The following SYNE3 variants were observed in gnomAD, a reference collection of about 807,000 sequenced individuals.
The protein encoded by SYNE3 is spectrin repeat containing nuclear envelope family member 3, also known as nesprin-3.
SYNE3 carries 100 observed loss-of-function variants against 111.2 expected under a neutral mutation model. That is an observed-to-expected ratio of 0.90 (90% CI 0.77 to 1.06). The LOEUF (loss-of-function observed/expected upper bound fraction) is 1.06. SYNE3 is among the 50% of genes least tolerant of loss of function. The probability of loss-of-function intolerance (pLI) is 0.00; values close to 1 mark genes in which losing one functional copy is unlikely to be tolerated. For synonymous variants in SYNE3, 547 were observed against 533.9 expected (o/e 1.02, Z -0.34); for missense variants, 1,160 against 1,240.3 (o/e 0.94, Z 0.97).
chr14:95,500,880 C>T lies in SYNE3; in HGVS notation c.-15+15716G>A, dbSNP rs78721469. 0.13 allele frequency among the ~76,000 whole-genome samples: 19,997 copies of T among 152,156 alleles called. 1,557 individuals are homozygous for T. Among genetic ancestry groups the T allele is most frequent in the Non-Finnish European group, 0.17 (11,833 of 67,952 alleles). On this transcript the variant is annotated intron_variant, in intron 1 of 17. Coordinates refer to ENST00000682763, the MANE Select transcript of SYNE3 (RefSeq NM_152592.6). The surrounding 1 kb of genome is among the most constrained non-coding windows in gnomAD (Gnocchi z 4.7). ...TGTACTCCCAGTGGGGGATCGGGGG[C>T]GGTGAAGCGGGAGGGACACACGCTT...
At chr14:95,498,020 C>A (rs1334050945) in intron 1 of SYNE3, among the ~76,000 whole-genome samples, 3 of 143,990 alleles carry the variant, frequency 2.1e-5, no homozygotes. Context: ...AGGACAAGAT[C>A]CCAACTCTTA....
At chr14:95,419,417 C>T (rs1884944830) in intron 17 of SYNE3, among the ~76,000 whole-genome samples, 2 of 152,100 alleles carry the variant, frequency 1.3e-5, no homozygotes, top group African/African-American at 4.8e-5. Flanking sequence ...ATAAATGTAC[C>T]AGTTCTTACT....
chr14:95,488,417 G>C (rs932444042), intron 1 of SYNE3, among the ~76,000 whole-genome samples: 11 of 152,302 alleles, frequency 7.2e-5, no homozygotes, highest in African/African-American at 2.6e-4. Context: ...TGCACCCACG[G>C]ATGGATAGTT....
intron 1 of SYNE3, among the ~76,000 whole-genome samples, chr14:95,513,382 G>T (rs1595267575): frequency 1.3e-5 from 2 of 152,178 alleles, no homozygotes; most frequent in Non-Finnish European, 2.9e-5. Context: ...AGAAACCCAG[G>T]CGAGAGATCC....
At position 95,416,192 on chromosome 14, in the gene SYNE3, G is replaced by T; in HGVS notation, c.*1634C>A. 6.6e-6 allele frequency: 1 copy of T among 152,216 alleles called. No individual in the cohort carries two copies. The allele number at this position is 152,216 out of a possible 1,614,324, so 9.4% of individuals were successfully genotyped here. ...TTCCTGCCGGTGAAATGTCCTAGTT[G>T]CCTAGGACCCGGGTCCCCAAGGGCA... On this transcript the variant is annotated 3_prime_UTR_variant, in exon 18 of 18. Transcript: ENST00000682763.
rs189178232 is a variant in SYNE3, at chr14:95,513,192, G to A, written c.-15+3404C>T. On this transcript the variant is annotated intron_variant, in intron 1 of 17. Coordinates refer to ENST00000682763, the MANE Select transcript of SYNE3 (RefSeq NM_152592.6). ...CCTCTCTCACCTTTCCTCAGCACGCGTGGTAATGCTTGGCTTTTATTTAAG... is the reference window on the plus strand; with the variant it reads ...CCTCTCTCACCTTTCCTCAGCACGCATGGTAATGCTTGGCTTTTATTTAAG... 3.3e-5 allele frequency among the ~76,000 whole-genome samples: 5 copies of A among 152,216 alleles called. No individual in the cohort carries two copies. In the East Asian group the frequency reaches 7.7e-4, roughly 23 times the overall value.
intron 1 of SYNE3, among the ~76,000 whole-genome samples, chr14:95,476,068 G>T (rs1166028819): frequency 6.6e-6 from 1 of 152,254 alleles, no homozygotes; most frequent in African/African-American, 2.4e-5. Flanking sequence ...TGGCAAAACT[G>T]CTTTGTCTTT....
chr14:95,512,045 A>T (rs749610179), intron 1 of SYNE3, among the ~76,000 whole-genome samples: 22 of 152,178 alleles, frequency 1.4e-4, no homozygotes, highest in Non-Finnish European at 3.2e-4. Context: ...TTAGGCCAGG[A>T]CCTTTAAAAA....
intron 1 of SYNE3, among the ~76,000 whole-genome samples, chr14:95,506,175 GC>G (rs1890523099): frequency 6.6e-6 from 1 of 152,144 alleles, no homozygotes; most frequent in Non-Finnish European, 1.5e-5. Flanking sequence ...ATTACTAGTA[GC>G]CCCTAATCCA....
intron 1 of SYNE3, among the ~76,000 whole-genome samples, chr14:95,486,205 C>A (rs1420473385): frequency 2.0e-5 from 3 of 152,154 alleles, no homozygotes; most frequent in African/African-American, 7.2e-5. Flanking sequence ...AGGTACTGAG[C>A]CAGCCCCCAG....
intron 1 of SYNE3, 63 bp from the exon 2 acceptor site, chr14:95,475,898 C>G: frequency 7.4e-7 from 1 of 1,347,960 alleles, no homozygotes; most frequent in Non-Finnish European, 9.6e-7. Context: ...AAAAGACCCC[C>G]GGCAGGACAC....
chr14:95,440,139 C>G, intron 11 of SYNE3, 64 bp from the exon 12 acceptor site: 1 of 1,512,860 alleles, frequency 6.6e-7, no homozygotes, highest in East Asian at 2.3e-5. Context: ...ACCCCCGCAC[C>G]ACCCCCACCC....
intron 1 of SYNE3, among the ~76,000 whole-genome samples, chr14:95,483,825 T>G (rs17829209): frequency 0.22 from 32,751 of 152,156 alleles, 3,768 homozygotes; most frequent in Non-Finnish European, 0.25. Flanking sequence ...CGCCACCCTC[T>G]GTCCACCAGC....
At chr14:95,440,352 C>T (rs766900657) in intron 11 of SYNE3, among the ~76,000 whole-genome samples, 37 of 152,234 alleles carry the variant, frequency 2.4e-4, no homozygotes, top group Non-Finnish European at 4.6e-4. Flanking sequence ...CACCACTGAT[C>T]CAAGTGTAAA....
chr14:95,447,197 G>A (rs28649338), intron 8 of SYNE3, among the ~76,000 whole-genome samples: 42,856 of 148,432 alleles, frequency 0.29, 6,586 homozygotes, highest in African/African-American at 0.41. Flanking sequence ...GCAGTGGCAC[G>A]ATCTCAGCTC....
At chr14:95,442,086 T>A (rs1886443987) in intron 11 of SYNE3, among the ~76,000 whole-genome samples, 1 of 152,236 alleles carries the variant, frequency 6.6e-6, no homozygotes, top group African/African-American at 2.4e-5. Context: ...TTAACAAACA[T>A]ACTGACTTCT....
chr14:95,469,697 C>T (rs1410681616), intron 2 of SYNE3, among the ~76,000 whole-genome samples: 2 of 151,254 alleles, frequency 1.3e-5, no homozygotes, highest in African/African-American at 4.9e-5. Context: ...GGTGCCACAG[C>T]GAGACCATGT....
chr14:95,475,065 T>C (rs1278014937), intron 2 of SYNE3, among the ~76,000 whole-genome samples: 2 of 152,204 alleles, frequency 1.3e-5, no homozygotes, highest in Non-Finnish European at 2.9e-5. Context: ...CTTAGCTCAG[T>C]ATTCTTCCCT....
In SYNE3 at chr14:95,433,196, G is replaced by A. The variant is rs758387490; in HGVS notation, c.2688+64C>T. 379 of 1,573,148 alleles carry A rather than the reference G, an allele frequency of 2.4e-4. 1 individual carries two copies. Among genetic ancestry groups the A allele is most frequent in the Non-Finnish European group, 1.8e-4 (207 of 1,158,068 alleles). On this transcript the variant is annotated intron_variant, in intron 16 of 17. Coordinates refer to ENST00000682763, the MANE Select transcript of SYNE3 (RefSeq NM_152592.6). ...TGCAGGCTTAGCACTGTATCCCCAG[G>A]CAAATACGGCCCAGCTATAGTCCTG... is the stretch of plus-strand genomic sequence containing the variant.
Sources: allele counts gnomAD v4.1 joint callset (sites outside exome capture counted in the v4.1 genomes callset), GRCh38; gene constraint gnomAD v4.1.1; non-coding constraint Gnocchi (gnomAD v3.1); transcripts MANE v1.5; gene names NCBI Gene and HGNC (gene_info 2026-07-23, HGNC 2026-07-21).